The following ADGRG6 variants were observed in gnomAD, a reference collection of about 807,000 sequenced individuals.
ADGRG6 encodes the protein adhesion G protein-coupled receptor G6, also known as G-protein coupled receptor 126.
ADGRG6 carries 84 observed loss-of-function variants against 142.4 expected under a neutral mutation model. That is an observed-to-expected ratio of 0.59 (90% confidence interval 0.49 to 0.71). The LOEUF is 0.71. ADGRG6 is among the 30% of genes least tolerant of loss of function. The pLI is 0.00. For synonymous variants in ADGRG6, 521 were observed against 520.5 expected, an observed-to-expected ratio of 1.00 and a Z score of -0.01; for missense variants, 1,367 against 1,466.6, an observed-to-expected ratio of 0.93 and a Z score of 1.11.
At chr6:142,408,888 T>C (rs1191234248) in intron 16 of ADGRG6, among the ~76,000 whole-genome samples, 2 of 152,090 alleles carry the variant, frequency 1.3e-5, no homozygotes, top group Non-Finnish European at 2.9e-5. Context: ...TGGAAATGAG[T>C]GTGCTGAGGA....
chr6:142,402,984 A>G (rs561154957), intron 13 of ADGRG6, among the ~76,000 whole-genome samples, 154 bp downstream of exon 13: 2 of 152,030 alleles, frequency 1.3e-5, no homozygotes, highest in African/African-American at 4.8e-5. Context: ...GTCATTCACA[A>G]CATGAACTTA....
In ADGRG6 at chr6:142,381,996, C is replaced by T. The variant is rs754687714; in HGVS notation, c.1115C>T (p.Ala372Val). ...CCAGCAGCAGAACTGGCCAGCTGTG[C>T]AGACCTGGGGACCCTCTGTCAAGGT... Reference protein sequence around the residue: ...PLPAAELASCADLGTLCQATV... With the variant: ...PLPAAELASCVDLGTLCQATV... Residue 372 changes from alanine to valine, a missense_variant, in exon 5 of 25, where the codon GCA becomes GTA. Coordinates refer to ENST00000367609, the MANE Select transcript of ADGRG6 (RefSeq NM_198569.3). The T allele has an allele frequency of 3.1e-6, 5 of 1,605,290 alleles. No homozygotes were observed. Among genetic ancestry groups the T allele is most frequent in the Non-Finnish European group, 8.5e-7 (1 of 1,174,196 alleles).
chr6:142,312,617 C>T (rs947171719), intron 2 of ADGRG6, among the ~76,000 whole-genome samples: 1 of 152,004 alleles, frequency 6.6e-6, no homozygotes, highest in Non-Finnish European at 1.5e-5. Context: ...TGTGCACTGA[C>T]ACTGTTGACT....
At chr6:142,351,423 C>T (rs2114775289) in intron 2 of ADGRG6, among the ~76,000 whole-genome samples, 1 of 152,130 alleles carries the variant, frequency 6.6e-6, no homozygotes, top group Admixed American at 6.5e-5. Context: ...ACCTGATCTT[C>T]AACAAAGGTA....
intron 2 of ADGRG6, among the ~76,000 whole-genome samples, chr6:142,348,133 G>A (rs1165581093): frequency 1.3e-5 from 2 of 152,074 alleles, no homozygotes; most frequent in Non-Finnish European, 2.9e-5. Flanking sequence ...GTAATGGGGT[G>A]GTGGAATTAA....
In ADGRG6 at chr6:142,355,034, ATTTAC is replaced by A. The variant is rs532911638; in HGVS notation, c.104-12530_104-12526del. On this transcript the variant is annotated intron_variant, in intron 2 of 24. Transcript: ENST00000367609. ...GTGATCTATTATCCAAACATCTCCT[ATTTAC>A]TTTAATTCACTATTAACCAAAAACC... Among the ~76,000 whole-genome samples, 247 of 152,268 alleles carry A rather than the reference ATTTAC, an allele frequency of 1.6e-3. 1 individual carries two copies. Among genetic ancestry groups the A allele is most frequent in the Non-Finnish European group, 2.8e-3 (190 of 68,020 alleles).
At chr6:142,302,427 G>T in intron 1 of ADGRG6, 96 bp downstream of exon 1, 1 of 1,319,528 alleles carries the variant, frequency 7.6e-7, no homozygotes, top group Non-Finnish European at 1.1e-6. Context: ...CAAGAGAAAT[G>T]ATTTTATAAG....
chr6:142,416,646 C>T (rs905667332), intron 20 of ADGRG6, among the ~76,000 whole-genome samples: 2 of 152,126 alleles, frequency 1.3e-5, no homozygotes, highest in African/African-American at 4.8e-5. Context: ...AGAGCTTTCT[C>T]ACAGATCTGT....
Position 142,411,428 on chromosome 6 carries a change from T to G in ADGRG6, c.2541+17T>G. 2 of 1,267,258 alleles carry G rather than the reference T, an allele frequency of 1.6e-6. No homozygotes were observed. Among genetic ancestry groups the G allele is most frequent in the Non-Finnish European group, 2.3e-6 (2 of 863,290 alleles). The allele number at this position is 1,267,258 out of a possible 1,614,324, so 78.5% of individuals were successfully genotyped here. ...GTTCTGATGGTAAGGGGGGAATTTC[T>G]AAGCTCATTTTGACATGCTGTAACT... is the stretch of plus-strand genomic sequence containing the variant. On this transcript the variant is annotated intron_variant, in intron 18 of 24. Transcript: ENST00000367609.
At chr6:142,326,656 A>C (rs1320291398) in intron 2 of ADGRG6, among the ~76,000 whole-genome samples, 1 of 152,134 alleles carries the variant, frequency 6.6e-6, no homozygotes, top group Non-Finnish European at 1.5e-5. Flanking sequence ...GTGTGAGAAC[A>C]AACTCATTCT....
At chr6:142,440,322 G>A (rs1374082373) in intron 24 of ADGRG6, among the ~76,000 whole-genome samples, 7 of 151,674 alleles carry the variant, frequency 4.6e-5, no homozygotes, top group African/African-American at 9.7e-5. Context: ...ACAGGGTCTC[G>A]CTCTGTTTAC....
At chr6:142,388,198 T>C (rs551415766) in intron 6 of ADGRG6, among the ~76,000 whole-genome samples, 7 of 152,200 alleles carry the variant, frequency 4.6e-5, no homozygotes, top group Admixed American at 2.0e-4. Context: ...CTTGGACTTT[T>C]CTCATGGTTA....
At chr6:142,330,733 TC>T (rs1050727043) in intron 2 of ADGRG6, among the ~76,000 whole-genome samples, 5 of 152,260 alleles carry the variant, frequency 3.3e-5, no homozygotes, top group Admixed American at 6.5e-5. Flanking sequence ...ATATGCCTTT[TC>T]CCCTGATTGT....
chr6:142,432,084 C>A (rs540749729), intron 22 of ADGRG6, among the ~76,000 whole-genome samples: 1 of 152,056 alleles, frequency 6.6e-6, no homozygotes, highest in Non-Finnish European at 1.5e-5. Context: ...AAACCCTCAA[C>A]CTCAGAATTT....
intron 2 of ADGRG6, among the ~76,000 whole-genome samples, chr6:142,342,127 A>C (rs1046040162): frequency 3.9e-5 from 6 of 152,070 alleles, no homozygotes; most frequent in African/African-American, 1.4e-4. Flanking sequence ...AGAGGGAATA[A>C]AATGGAGTGG....
chr6:142,411,087 A>AT (rs1024531968), intron 17 of ADGRG6, among the ~76,000 whole-genome samples: 6 of 152,102 alleles, frequency 3.9e-5, no homozygotes, highest in African/African-American at 1.4e-4. Context: ...GAACCTACTG[A>AT]TTAGATCACC....
At chr6:142,436,628 CT>C (rs1490567916) in intron 22 of ADGRG6, among the ~76,000 whole-genome samples, 1 of 151,852 alleles carries the variant, frequency 6.6e-6, no homozygotes, top group Admixed American at 6.6e-5. Flanking sequence ...TTTGTTTGTT[CT>C]TAAAAAAAGT....
chr6:142,311,504 A>T (rs1777768273), intron 2 of ADGRG6, among the ~76,000 whole-genome samples: 1 of 151,990 alleles, frequency 6.6e-6, no homozygotes, highest in African/African-American at 2.4e-5. Flanking sequence ...GGGGTTCCTT[A>T]TAATGAACTC....
chr6:142,302,313 G>C lies in ADGRG6; in HGVS notation c.-17G>C, dbSNP rs1777261598. 1 of 1,612,758 alleles carries C rather than the reference G, an allele frequency of 6.2e-7. No homozygotes were observed. Among genetic ancestry groups the C allele is most frequent in the African/African-American group, 1.3e-5 (1 of 75,002 alleles). On this transcript the variant is annotated 5_prime_UTR_variant, in exon 1 of 25. Coordinates refer to ENST00000367609, the MANE Select transcript of ADGRG6 (RefSeq NM_198569.3). ...TGATCTTGCGGCCAAAGGGGACCTCGGCGCAGTAATGTCAACATGTAAGTC... is the reference window on the plus strand; with the variant it reads ...TGATCTTGCGGCCAAAGGGGACCTCCGCGCAGTAATGTCAACATGTAAGTC...
Sources: gnomAD v4.1 joint callset for allele counts (sites outside exome capture counted in the v4.1 genomes callset) on GRCh38, gnomAD v4.1.1 for gene constraint, MANE v1.5 for transcripts, NCBI Gene and HGNC (gene_info 2026-07-23, HGNC 2026-07-21) for gene names.